PACRGL: variants seen among roughly 807,000 people sequenced by gnomAD.
PACRGL encodes PACRG-like protein.
PACRGL carries 38 observed loss-of-function variants against 34.5 expected under a neutral mutation model. The observed-to-expected ratio is 1.10, with a 90% CI of 0.85 to 1.44. The LOEUF is 1.44. Ranked by LOEUF, PACRGL falls within the 40% of genes most tolerant of loss-of-function variation. PACRGL has a pLI of 0.00. For missense variants in PACRGL, 305 were observed against 281.4 expected (o/e 1.08, Z -0.60); for synonymous variants, 128 against 100.1 (o/e 1.28, Z -1.66).
At chr4:20,703,770 T>A (rs79061193) in intron 1 of PACRGL, among the ~76,000 whole-genome samples, 1 of 152,236 alleles carries the variant, frequency 6.6e-6, no homozygotes, top group Non-Finnish European at 1.5e-5. Flanking sequence ...TCTGCCTAAA[T>A]TCATAAATTT....
chr4:20,714,131 C>T (rs1738635229), intron 7 of PACRGL, among the ~76,000 whole-genome samples: 2 of 151,940 alleles, frequency 1.3e-5, no homozygotes, highest in Non-Finnish European at 1.5e-5. Context: ...GTGTGGGAGT[C>T]GAAATCTCTT....
intron 7 of PACRGL, among the ~76,000 whole-genome samples, chr4:20,719,797 G>A (rs1742110421): frequency 6.6e-6 from 1 of 152,026 alleles, no homozygotes; most frequent in South Asian, 2.1e-4. Flanking sequence ...TGAGAAGAAT[G>A]TATATTCTGT....
At chr4:20,745,835 A>G (rs75965121) in intron 8 of PACRGL, among the ~76,000 whole-genome samples, 9,461 of 152,236 alleles carry the variant, frequency 0.062, 350 homozygotes, top group East Asian at 0.1. Flanking sequence ...AAAGACTGCT[A>G]TGGCTTAGAA....
chr4:20,745,083 G>A (rs1179716359), intron 8 of PACRGL, among the ~76,000 whole-genome samples: 1 of 152,118 alleles, frequency 6.6e-6, no homozygotes, highest in African/African-American at 2.4e-5. Context: ...TTCTTTCCTT[G>A]CTCAACAGGA....
Position 20,731,305 on chromosome 4 carries a change from CTTAAG to C in PACRGL, c.*3968_*3972del, listed in dbSNP as rs893170325. 2 of 784,580 alleles carry C rather than the reference CTTAAG, an allele frequency of 2.5e-6. No homozygotes were observed. 48.6% of individuals were successfully genotyped at this position (784,580 alleles called of 1,614,324 possible). On this transcript the variant is annotated 3_prime_UTR_variant, in exon 9 of 9. Coordinates refer to ENST00000503585, the MANE Select transcript of PACRGL (RefSeq NM_001258345.3). ...CCCACATTGGACTCAAAATCCTGGC[CTTAAG>C]TTATCTTCCCGCCTCAGCCTCCCAT...
intron 8 of PACRGL, among the ~76,000 whole-genome samples, chr4:20,742,771 A>G (rs976222210): frequency 6.6e-6 from 1 of 152,160 alleles, no homozygotes; most frequent in Admixed American, 6.5e-5. Flanking sequence ...GAAGAAGTCA[A>G]ATTTTCCCTG....
chr4:20,709,132 T>G (rs774852940), intron 4 of PACRGL, among the ~76,000 whole-genome samples: 2 of 152,068 alleles, frequency 1.3e-5, no homozygotes, highest in Admixed American at 6.5e-5. Context: ...AGAGTGAAAC[T>G]TCGTCTCAAA....
At chr4:20,710,217 A>C (rs1446126369) in intron 5 of PACRGL, among the ~76,000 whole-genome samples, 1 of 152,160 alleles carries the variant, frequency 6.6e-6, no homozygotes, top group Non-Finnish European at 1.5e-5. Flanking sequence ...CTTTTGGAGA[A>C]TACTCCAGCT....
chr4:20,727,199 C>A, intron 8 of PACRGL, 86 bp from the exon 9 acceptor site: 1 of 1,213,180 alleles, frequency 8.2e-7, no homozygotes, highest in Non-Finnish European at 1.2e-6. Context: ...GTTTTAGATA[C>A]TTTCTAGGCA....
upstream of PACRGL, among the ~76,000 whole-genome samples, chr4:20,700,146 C>G (rs1731571680): frequency 6.6e-6 from 1 of 152,120 alleles, no homozygotes; most frequent in Admixed American, 6.5e-5. Context: ...ATTAAGTGTG[C>G]GAGAAAAGCG....
downstream of PACRGL, among the ~76,000 whole-genome samples, chr4:20,757,030 CTTG>C (rs1201603197): frequency 1.3e-5 from 2 of 152,112 alleles, no homozygotes; most frequent in East Asian, 3.9e-4. Flanking sequence ...GTGCCAACTT[CTTG>C]TTGAGTCTAA....
rs1747909499 is a variant in PACRGL, at chr4:20,730,781, A to G, written c.*3440A>G. 6.6e-6 allele frequency among the ~76,000 whole-genome samples: 1 copy of G among 152,072 alleles called. No homozygotes were observed. The highest frequency in any genetic ancestry group is 1.5e-5 in the Non-Finnish European group (1 of 68,018). On this transcript the variant is annotated 3_prime_UTR_variant, in exon 9 of 9. Coordinates refer to ENST00000503585, the MANE Select transcript of PACRGL (RefSeq NM_001258345.3). The stretch of plus-strand genomic sequence containing the variant: ...ATATTCTTTAGAAATGAGTTAGGGG[A>G]CAGACTTTGGGCATTATTGGAGCAC...
chr4:20,744,533 C>T (rs533476144), intron 8 of PACRGL, among the ~76,000 whole-genome samples: 5 of 152,000 alleles, frequency 3.3e-5, no homozygotes, highest in Admixed American at 6.6e-5. Flanking sequence ...AACCAAACAC[C>T]GCATGTTCTC....
At chr4:20,763,658 T>G in the PACRGL span, among the ~76,000 whole-genome samples, 1 of 152,202 alleles carries the variant, frequency 6.6e-6, no homozygotes, top group East Asian at 1.9e-4. Context: ...CCCTGTGGCA[T>G]GTTTGAAAGA....
At chr4:20,718,097 G>A (rs953907081) in intron 7 of PACRGL, among the ~76,000 whole-genome samples, 1 of 152,072 alleles carries the variant, frequency 6.6e-6, no homozygotes, top group Non-Finnish European at 1.5e-5. Flanking sequence ...CTTTGAGGCA[G>A]TTGTGAATGG....
chr4:20,724,001 C>A (rs1293318424), intron 7 of PACRGL, among the ~76,000 whole-genome samples: 1 of 152,120 alleles, frequency 6.6e-6, no homozygotes, highest in Non-Finnish European at 1.5e-5. Context: ...GGTTTATAGA[C>A]TTCTACATTA....
downstream of PACRGL, among the ~76,000 whole-genome samples, chr4:20,754,368 A>C (rs542515449): frequency 3.3e-5 from 5 of 152,244 alleles, no homozygotes; most frequent in East Asian, 9.7e-4. Flanking sequence ...TGATTTATGG[A>C]CCCATCAATG....
At chr4:20,756,396 A>G (rs1425846574), downstream of PACRGL, among the ~76,000 whole-genome samples, 1 of 151,978 alleles carries the variant, frequency 6.6e-6, no homozygotes, top group Non-Finnish European at 1.5e-5. Flanking sequence ...AATCCTATTT[A>G]TCTCTTTTCT....
At chr4:20,735,667 G>A (rs1005968165), downstream of PACRGL, among the ~76,000 whole-genome samples, 5 of 151,860 alleles carry the variant, frequency 3.3e-5, no homozygotes, top group Non-Finnish European at 7.4e-5. Context: ...CTCCCGAGTA[G>A]CTGGGACTAC....
Sources: gnomAD v4.1 joint callset for allele counts (sites outside exome capture counted in the v4.1 genomes callset) on GRCh38, gnomAD v4.1.1 for gene constraint, MANE v1.5 for transcripts, NCBI Gene and HGNC (gene_info 2026-07-23, HGNC 2026-07-21) for gene names.